SHROOM3: variants seen among roughly 807,000 people sequenced by gnomAD.
The protein encoded by SHROOM3 is protein Shroom3.
Under a neutral mutation model 138.6 loss-of-function variants are expected in SHROOM3, and 47 were observed. The observed-to-expected ratio is 0.34, with a 90% CI of 0.27 to 0.43. The LOEUF (loss-of-function observed/expected upper bound fraction) is 0.43, where lower values mean the gene tolerates loss of function less well. Among genes scored for constraint, SHROOM3 ranks in the 20% least tolerant of loss-of-function variants. The probability of loss-of-function intolerance (pLI) is 1.00; values close to 1 mark genes in which losing one functional copy is unlikely to be tolerated. For missense variants in SHROOM3, 2,491 were observed against 2,596.5 expected (o/e 0.96, Z 0.88); for synonymous variants, 1,062 against 1,063.3 (o/e 1.00, Z 0.02).
intron 1 of SHROOM3, among the ~76,000 whole-genome samples, chr4:76,437,104 C>T (rs1730578710): frequency 6.6e-6 from 1 of 151,954 alleles, no homozygotes; most frequent in African/African-American, 2.4e-5. Context: ...TTTTCATATC[C>T]CCAGAAATAA....
At chr4:76,702,849 A>G (rs952969601) in intron 2 of SHROOM3, among the ~76,000 whole-genome samples, 1 of 152,200 alleles carries the variant, frequency 6.6e-6, no homozygotes, top group Non-Finnish European at 1.5e-5. Context: ...ATTAATATTT[A>G]TTAGGCAGGT....
intron 2 of SHROOM3, among the ~76,000 whole-genome samples, chr4:76,601,726 C>T (rs754294971): frequency 2.0e-5 from 3 of 152,116 alleles, no homozygotes; most frequent in Non-Finnish European, 4.4e-5. Flanking sequence ...AGGCTGGTCT[C>T]GAACTCCTGA....
At chr4:76,552,221 T>C (rs1043564824) in intron 1 of SHROOM3, among the ~76,000 whole-genome samples, 21 of 150,328 alleles carry the variant, frequency 1.4e-4, no homozygotes, top group South Asian at 6.3e-4. Flanking sequence ...AAATAGTATA[T>C]ATTGGCCAGG....
intron 1 of SHROOM3, among the ~76,000 whole-genome samples, chr4:76,512,667 G>A (rs1362938453): frequency 6.6e-6 from 1 of 152,152 alleles, no homozygotes; most frequent in Non-Finnish European, 1.5e-5. Context: ...GAAGGGGAAA[G>A]AAAACCTAAC....
At chr4:76,771,377 A>AAT (rs1405425979) in intron 10 of SHROOM3, among the ~76,000 whole-genome samples, 3 of 152,040 alleles carry the variant, frequency 2.0e-5, no homozygotes, top group African/African-American at 7.2e-5. Flanking sequence ...AAAAAAAAAA[A>AAT]AGATGTACTG....
At chr4:76,746,219 G>A (rs1721430862) in intron 5 of SHROOM3, among the ~76,000 whole-genome samples, 1 of 152,074 alleles carries the variant, frequency 6.6e-6, no homozygotes, top group Non-Finnish European at 1.5e-5. Flanking sequence ...AGAGTTAAAT[G>A]TTCTATATCT....
At chr4:76,475,691 T>C (rs1731470812) in intron 1 of SHROOM3, among the ~76,000 whole-genome samples, 1 of 152,210 alleles carries the variant, frequency 6.6e-6, no homozygotes, top group South Asian at 2.1e-4. Context: ...ATGGCAAATG[T>C]TGGCTCTTTG....
At chr4:76,579,878 G>T (rs1419885973) in intron 2 of SHROOM3, among the ~76,000 whole-genome samples, 1 of 152,206 alleles carries the variant, frequency 6.6e-6, no homozygotes, top group African/African-American at 2.4e-5. Context: ...GAGAATCGTT[G>T]TGTCTTACTC....
At chr4:76,632,518 C>A (rs974448358) in intron 2 of SHROOM3, among the ~76,000 whole-genome samples, 1 of 152,126 alleles carries the variant, frequency 6.6e-6, no homozygotes, top group Non-Finnish European at 1.5e-5. Context: ...AAACACAAAT[C>A]ATTGACTTGG....
Position 76,756,388 on chromosome 4 carries a change from C to T in SHROOM3, c.4710-61C>T. 10 of 1,515,882 alleles carry T rather than the reference C, an allele frequency of 6.6e-6. No individual in the cohort carries two copies. The South Asian group carries it at 1.1e-4, about 17-fold the overall frequency. 93.9% of individuals were successfully genotyped at this position (1,515,882 alleles called of 1,614,324 possible). On this transcript the variant is annotated intron_variant, in intron 7 of 10. Transcript: ENST00000296043. ...TCTCCACCCTCTTATCATCACCCTT[C>T]TCTTATCACTCTCTCTTTCTCTCTC...
chr4:76,751,297 T>C (rs1721615035), intron 6 of SHROOM3, among the ~76,000 whole-genome samples: 1 of 152,200 alleles, frequency 6.6e-6, no homozygotes, highest in African/African-American at 2.4e-5. Context: ...GAATGTGCCC[T>C]CTGTTCTCCA....
At chr4:76,730,092 A>C (rs1720830145) in intron 3 of SHROOM3, among the ~76,000 whole-genome samples, 1 of 152,252 alleles carries the variant, frequency 6.6e-6, no homozygotes, top group East Asian at 1.9e-4. Context: ...TTACTGAATT[A>C]TAGTCCTTAC....
At chr4:76,706,019 G>A (rs1577985497) in intron 2 of SHROOM3, among the ~76,000 whole-genome samples, 1 of 152,316 alleles carries the variant, frequency 6.6e-6, no homozygotes, top group South Asian at 2.1e-4. Flanking sequence ...TTGACTGGAA[G>A]CCTTACAGTT....
chr4:76,507,002 C>T (rs1352781104), intron 1 of SHROOM3, among the ~76,000 whole-genome samples: 1 of 152,062 alleles, frequency 6.6e-6, no homozygotes, highest in Non-Finnish European at 1.5e-5. Flanking sequence ...AAGGTGAATA[C>T]TAAAAAACGG....
chr4:76,463,978 G>A (rs566746128), intron 1 of SHROOM3, among the ~76,000 whole-genome samples: 1 of 152,386 alleles, frequency 6.6e-6, no homozygotes, highest in East Asian at 1.9e-4. Context: ...CAGTGCAGAA[G>A]GGAAATGCGG....
intron 1 of SHROOM3, among the ~76,000 whole-genome samples, chr4:76,447,732 G>C (rs1259452683): frequency 6.6e-6 from 1 of 152,214 alleles, no homozygotes; most frequent in African/African-American, 2.4e-5. Context: ...CAGGAGGAAG[G>C]TTAAGAGAAT....
chr4:76,602,761 C>T lies in SHROOM3; in HGVS notation c.323+46998C>T, dbSNP rs887311249. 2.0e-5 allele frequency among the ~76,000 whole-genome samples: 3 copies of T among 152,116 alleles called. No individual in the cohort carries two copies. In the South Asian group the frequency reaches 6.2e-4, roughly 32 times the overall value. On this transcript the variant is annotated intron_variant, in intron 2 of 10. Coordinates refer to ENST00000296043, the MANE Select transcript of SHROOM3 (RefSeq NM_020859.4). Reference sequence around the variant, plus strand: ...AGAGTTAGGAAGGTGGACCCTGGAGCCAGACTGCCTGGATTAAAATCCTGG... The same window carrying T: ...AGAGTTAGGAAGGTGGACCCTGGAGTCAGACTGCCTGGATTAAAATCCTGG...
At chr4:76,473,134 A>G (rs938567098) in intron 1 of SHROOM3, among the ~76,000 whole-genome samples, 1 of 152,256 alleles carries the variant, frequency 6.6e-6, no homozygotes, top group Non-Finnish European at 1.5e-5. Context: ...AGTAAGAAAA[A>G]AAGCACAAGC....
intron 9 of SHROOM3, among the ~76,000 whole-genome samples, chr4:76,767,028 C>G (rs1553952303): frequency 6.6e-6 from 1 of 152,176 alleles, no homozygotes; most frequent in African/African-American, 2.4e-5. Context: ...CACACATGCT[C>G]CTGTGACAGA....
Sources: gnomAD v4.1 joint callset for allele counts (sites outside exome capture counted in the v4.1 genomes callset) on GRCh38, gnomAD v4.1.1 for gene constraint, MANE v1.5 for transcripts, NCBI Gene and HGNC (gene_info 2026-07-23, HGNC 2026-07-21) for gene names.